Variants in CDH6 observed in about 807,000 individuals in gnomAD.
The protein encoded by CDH6 is cadherin-6.
CDH6 carries 31 observed loss-of-function variants against 78.0 expected under a neutral mutation model. The ratio of observed to expected loss-of-function variants is 0.40; its 90% CI spans 0.30 to 0.54. The LOEUF is 0.54. CDH6 is among the 20% of genes least tolerant of loss of function. The pLI is 0.56. For missense variants in CDH6, 724 were observed against 975.9 expected (o/e 0.74, Z 3.44); for synonymous variants, 376 against 368.8 (o/e 1.02, Z -0.23).
chr5:31,268,761 T>G (rs1442549805), intron 2 of CDH6, among the ~76,000 whole-genome samples: 1 of 152,208 alleles, frequency 6.6e-6, no homozygotes, highest in Non-Finnish European at 1.5e-5. Context: ...ATGTTCACAC[T>G]TCAATCTGTG....
chr5:31,299,712 A>G (rs1454959536), intron 5 of CDH6, 81 bp downstream of exon 5: 2 of 1,248,932 alleles, frequency 1.6e-6, no homozygotes, highest in Non-Finnish European at 2.3e-6. Flanking sequence ...TTCCATTGTC[A>G]TCATTATTGT....
At chr5:31,271,116 C>A (rs1428786457) in intron 2 of CDH6, among the ~76,000 whole-genome samples, 1 of 152,118 alleles carries the variant, frequency 6.6e-6, no homozygotes, top group African/African-American at 2.4e-5. Context: ...AAAAGTAATG[C>A]TGTTGAGAAA....
Position 31,302,818 on chromosome 5 carries a change from AAG to A in CDH6, c.999+522_999+523del, listed in dbSNP as rs1737829329. On this transcript the variant is annotated intron_variant, in intron 6 of 11. Coordinates refer to ENST00000265071, the MANE Select transcript of CDH6 (RefSeq NM_004932.4). ...AGAGAGAGAAAGAAAGAAAGAAAGAAAGAAAGAAAGAAAGAAAGAAAGAAAGA... is the reference window on the plus strand; with the variant it reads ...AGAGAGAGAAAGAAAGAAAGAAAGAAAAAGAAAGAAAGAAAGAAAGAAAGA... Among the ~76,000 whole-genome samples, 8 of 142,212 alleles carry A rather than the reference AAG, an allele frequency of 5.6e-5. No homozygotes were observed. In the South Asian group the frequency reaches 1.6e-3, roughly 28 times the overall value. The allele number at this position is 142,212 out of a possible 152,430, so 93.3% of individuals were successfully genotyped here.
At chr5:31,306,167 A>G (rs187537833) in intron 7 of CDH6, among the ~76,000 whole-genome samples, 1 of 152,306 alleles carries the variant, frequency 6.6e-6, no homozygotes, top group Non-Finnish European at 1.5e-5. Context: ...ATCATGTAAC[A>G]CTTAAAAGAC....
At chr5:31,311,078 T>A (rs1386168011) in intron 7 of CDH6, among the ~76,000 whole-genome samples, 9 of 152,230 alleles carry the variant, frequency 5.9e-5, no homozygotes, top group Non-Finnish European at 1.2e-4. Context: ...TTCTACCACA[T>A]GGTCACCATT....
At chr5:31,262,977 G>A (rs977023508) in intron 1 of CDH6, among the ~76,000 whole-genome samples, 1 of 152,128 alleles carries the variant, frequency 6.6e-6, no homozygotes, top group African/African-American at 2.4e-5. Context: ...GCATTTAGGG[G>A]CATGCTTGCA....
intron 1 of CDH6, among the ~76,000 whole-genome samples, chr5:31,248,748 A>C (rs568768460): frequency 6.6e-6 from 1 of 151,982 alleles, no homozygotes; most frequent in Non-Finnish European, 1.5e-5. Context: ...CACACACACA[A>C]TTATACCACC....
At chr5:31,250,017 C>T (rs978339611) in intron 1 of CDH6, 1 of 152,294 alleles carries the variant, frequency 6.6e-6, no homozygotes, top group African/African-American at 2.4e-5. Flanking sequence ...ATTTAGAATA[C>T]AGATGTGGTT....
chr5:31,232,515 A>G (rs1741341066), intron 1 of CDH6, among the ~76,000 whole-genome samples: 1 of 152,146 alleles, frequency 6.6e-6, no homozygotes, highest in Non-Finnish European at 1.5e-5. Flanking sequence ...AATCTCTACA[A>G]AACGTTTTTG....
chr5:31,205,591 A>G (rs929302916), intron 1 of CDH6, among the ~76,000 whole-genome samples: 2 of 152,206 alleles, frequency 1.3e-5, no homozygotes, highest in East Asian at 1.9e-4. Flanking sequence ...CACTTTTAAC[A>G]TATTTTATTT....
chr5:31,195,399 A>G (rs1304701764), intron 1 of CDH6, among the ~76,000 whole-genome samples: 1 of 152,212 alleles, frequency 6.6e-6, no homozygotes, highest in Admixed American at 6.5e-5. Context: ...ATATGCTTAT[A>G]TGAATAGTGC....
chr5:31,295,718 C>T (rs1012031545), intron 3 of CDH6, among the ~76,000 whole-genome samples: 1 of 152,056 alleles, frequency 6.6e-6, no homozygotes, highest in Non-Finnish European at 1.5e-5. Flanking sequence ...GAAACTATCT[C>T]CACTAAGAAC....
chr5:31,281,749 G>A (rs1435306916), intron 2 of CDH6, among the ~76,000 whole-genome samples: 3 of 152,068 alleles, frequency 2.0e-5, no homozygotes, highest in African/African-American at 7.2e-5. Context: ...ACTTAGCCTG[G>A]GGTCTGATAA....
intron 2 of CDH6, among the ~76,000 whole-genome samples, chr5:31,286,362 T>C (rs1743012311): frequency 6.6e-6 from 1 of 152,294 alleles, no homozygotes; most frequent in South Asian, 2.1e-4. Flanking sequence ...ACCAGCAGCT[T>C]AAGGAAGGCT....
chr5:31,208,732 C>G (rs12521362), intron 1 of CDH6, among the ~76,000 whole-genome samples: 102 of 151,958 alleles, frequency 6.7e-4, no homozygotes, highest in African/African-American at 2.3e-3. Context: ...TATGGAAAAC[C>G]CTTATGTATG....
intron 1 of CDH6, among the ~76,000 whole-genome samples, chr5:31,256,335 C>T (rs1579856342): frequency 6.6e-6 from 1 of 152,242 alleles, no homozygotes; most frequent in East Asian, 1.9e-4. Context: ...CCATCACTTT[C>T]TTCAGACCTT....
chr5:31,209,575 C>A (rs911293181), intron 1 of CDH6, among the ~76,000 whole-genome samples: 3 of 152,184 alleles, frequency 2.0e-5, no homozygotes, highest in African/African-American at 7.2e-5. Flanking sequence ...TCATGCTCAG[C>A]ATCCTAAAGA....
At chr5:31,313,202 A>T in intron 7 of CDH6, 116 bp from the exon 8 acceptor site, 1 of 904,756 alleles carries the variant, frequency 1.1e-6, no homozygotes, top group Non-Finnish European at 1.6e-6. Context: ...ATGGAAAAAA[A>T]TTTATGCCAC....
At chr5:31,297,910 A>C (rs1737656726) in intron 4 of CDH6, among the ~76,000 whole-genome samples, 1 of 152,180 alleles carries the variant, frequency 6.6e-6, no homozygotes, top group South Asian at 2.1e-4. Flanking sequence ...ATGGAAACCA[A>C]TGTTGAGATG....
Sources: allele counts gnomAD v4.1 joint callset (sites outside exome capture counted in the v4.1 genomes callset), GRCh38; gene constraint gnomAD v4.1.1; transcripts MANE v1.5; gene names NCBI Gene and HGNC (gene_info 2026-07-23, HGNC 2026-07-21).